GAS7: variants seen among roughly 807,000 people sequenced by gnomAD.
The protein encoded by GAS7 is growth arrest-specific protein 7.
A neutral mutation model predicts 71.1 loss-of-function variants in GAS7; 28 were observed. The ratio of observed to expected loss-of-function variants is 0.39; its 90% CI spans 0.29 to 0.54. The LOEUF (loss-of-function observed/expected upper bound fraction) is 0.54, where lower values mean the gene tolerates loss of function less well. Among genes scored for constraint, GAS7 ranks in the 20% least tolerant of loss-of-function variants. GAS7 has a pLI of 0.62. For synonymous variants in GAS7, 258 were observed against 245.8 expected (o/e 1.05, Z -0.46); for missense variants, 436 against 627.8 (o/e 0.69, Z 3.27).
At chr17:10,010,914 C>A (rs949191359) in intron 2 of GAS7, among the ~76,000 whole-genome samples, 1 of 152,142 alleles carries the variant, frequency 6.6e-6, no homozygotes, top group African/African-American at 2.4e-5. Flanking sequence ...CAGCCATAGA[C>A]AATATGTAAA....
intron 1 of GAS7, among the ~76,000 whole-genome samples, chr17:10,102,597 T>C (rs995095266): frequency 7.2e-5 from 11 of 152,244 alleles, no homozygotes; most frequent in Non-Finnish European, 1.2e-4. Context: ...CCTATTCCAG[T>C]GGTCATCCCC....
chr17:10,044,349 A>G (rs914097662), intron 1 of GAS7, among the ~76,000 whole-genome samples: 4 of 152,256 alleles, frequency 2.6e-5, no homozygotes, highest in East Asian at 3.8e-4. Context: ...GCTCACTGCA[A>G]TAACAACTAG....
Position 10,026,695 on chromosome 17 carries a change from G to A in GAS7, c.184-6798C>T, listed in dbSNP as rs1453430551. 1.3e-4 allele frequency among the ~76,000 whole-genome samples: 20 copies of A among 152,198 alleles called. No homozygotes were observed. Among genetic ancestry groups the A allele is most frequent in the Admixed American group, 1.3e-3 (20 of 15,282 alleles). ...GGAAGATCAAGACCCAGCAGGGCTG[G>A]AGACTGGCAATTCACTCCCACGTCA... On this transcript the variant is annotated intron_variant, in intron 1 of 13. Coordinates refer to ENST00000432992, the MANE Select transcript of GAS7 (RefSeq NM_201433.2). The surrounding 1 kb of genome is among the most constrained non-coding windows in gnomAD (Gnocchi z 4.5).
At chr17:9,935,404 G>A (rs867988581) in intron 8 of GAS7, among the ~76,000 whole-genome samples, 3 of 152,166 alleles carry the variant, frequency 2.0e-5, no homozygotes, top group East Asian at 1.9e-4. Context: ...CTCTTTAACC[G>A]CATGACCCTT....
chr17:9,933,919 AT>A (rs2152083211), intron 9 of GAS7, among the ~76,000 whole-genome samples: 1 of 152,024 alleles, frequency 6.6e-6, no homozygotes, highest in East Asian at 1.9e-4. Flanking sequence ...ACACTTTACT[AT>A]TTTCCATGCT....
intron 2 of GAS7, among the ~76,000 whole-genome samples, chr17:9,990,368 C>G (rs928355416): frequency 1.3e-5 from 2 of 152,242 alleles, no homozygotes; most frequent in Non-Finnish European, 2.9e-5. Context: ...TGACTTCGCC[C>G]AGAGCGAGCG....
chr17:10,192,398 A>C (rs1567627524), intron 1 of GAS7, among the ~76,000 whole-genome samples: 1 of 152,192 alleles, frequency 6.6e-6, no homozygotes, highest in Admixed American at 6.5e-5. Flanking sequence ...AATACCTTAC[A>C]TGTACACAAG....
chr17:10,025,025 C>T (rs949562380), intron 1 of GAS7, among the ~76,000 whole-genome samples: 7 of 152,308 alleles, frequency 4.6e-5, no homozygotes, highest in Non-Finnish European at 8.8e-5. Flanking sequence ...CATTTATCCC[C>T]GCTTTAAAAC....
chr17:10,025,168 C>T (rs1461239926), intron 1 of GAS7, among the ~76,000 whole-genome samples: 1 of 151,986 alleles, frequency 6.6e-6, no homozygotes, highest in Non-Finnish European at 1.5e-5. Context: ...TTTGGGAGGC[C>T]GAGGCAGGAG....
intron 8 of GAS7, among the ~76,000 whole-genome samples, chr17:9,937,775 A>G (rs890298916): frequency 6.6e-6 from 1 of 152,158 alleles, no homozygotes; most frequent in African/African-American, 2.4e-5. Context: ...CCCACAACAG[A>G]ACGTCTTCCT....
chr17:10,098,098 C>G (rs1368510269), intron 1 of GAS7, among the ~76,000 whole-genome samples: 2 of 151,996 alleles, frequency 1.3e-5, no homozygotes, highest in African/African-American at 4.8e-5. Flanking sequence ...CCAAGAGACC[C>G]TGGGGTGTCC....
intron 9 of GAS7, among the ~76,000 whole-genome samples, chr17:9,931,043 C>A (rs1173657234): frequency 6.6e-6 from 1 of 152,174 alleles, no homozygotes; most frequent in Non-Finnish European, 1.5e-5. Flanking sequence ...ATTGGCAACC[C>A]CTGGAAAGGC....
At chr17:10,145,874 T>C (rs575958580) in intron 1 of GAS7, among the ~76,000 whole-genome samples, 2 of 152,228 alleles carry the variant, frequency 1.3e-5, no homozygotes, top group East Asian at 3.9e-4. Flanking sequence ...CATTATTTTG[T>C]TTTTGTGGGA....
At chr17:10,104,133 C>T (rs1011425989) in intron 1 of GAS7, among the ~76,000 whole-genome samples, 26 of 152,184 alleles carry the variant, frequency 1.7e-4, no homozygotes, top group African/African-American at 3.6e-4. Context: ...CCTGTAGTCA[C>T]GGCTTCGAAT....
At position 10,019,781 on chromosome 17, in the gene GAS7, G is replaced by A. The variant is rs1226646251; in HGVS notation, c.300C>T (p.Thr100=). The part of the protein sequence containing the change: ...QGRRYYVNTT[T]NETTWERPSS... Reference sequence around the variant, plus strand: ...TCTCCCCCGAGCGGGACTCACCATTGGTGGTCGTGTTGACATAGTACCGCC... The same window carrying A: ...TCTCCCCCGAGCGGGACTCACCATTAGTGGTCGTGTTGACATAGTACCGCC... Residue 100 remains threonine, a synonymous_variant, in exon 2 of 14, where the codon ACC becomes ACT. Transcript: ENST00000432992. 5 of 1,613,548 alleles carry A rather than the reference G, an allele frequency of 3.1e-6. No homozygotes were observed. Among genetic ancestry groups the A allele is most frequent in the Non-Finnish European group, 4.2e-6 (5 of 1,179,818 alleles).
chr17:10,141,987 G>GT (rs1005719162), intron 1 of GAS7, among the ~76,000 whole-genome samples: 11 of 2,404 alleles, frequency 4.6e-3, no homozygotes, highest in East Asian at 0.14. Context: ...CCAGCACTTT[G>GT]GGGGGCCGAG....
chr17:10,016,554 C>T (rs1170796745), intron 2 of GAS7, among the ~76,000 whole-genome samples: 1 of 125,894 alleles, frequency 7.9e-6, no homozygotes, highest in Admixed American at 1.0e-4. Flanking sequence ...AAGTAGAAGC[C>T]AGAAGTTCGG....
In GAS7 at chr17:9,926,937, A is replaced by G. The variant is rs973358565; in HGVS notation, c.886-168T>C. 2.4e-5 allele frequency: 16 copies of G among 664,088 alleles called. No individual in the cohort carries two copies. Among genetic ancestry groups the G allele is most frequent in the African/African-American group, 3.6e-5 (2 of 55,888 alleles). The allele number at this position is 664,088 out of a possible 1,614,324, so 41.1% of individuals were successfully genotyped here. On this transcript the variant is annotated intron_variant, in intron 9 of 13. Transcript: ENST00000432992. This position sits in a 1 kb window ranked among gnomAD's most constrained non-coding sequence, Gnocchi z 5.0. The stretch of plus-strand genomic sequence containing the variant: ...GACACCCCCTGACACGTGGCTGCCT[A>G]TCAGGTCTCAGCTTAGGCAGGTCAC...
intron 1 of GAS7, among the ~76,000 whole-genome samples, chr17:10,189,103 T>C (rs896767832): frequency 6.6e-6 from 1 of 152,190 alleles, no homozygotes; most frequent in Non-Finnish European, 1.5e-5. Flanking sequence ...CTCCTTTTTT[T>C]TGGGAAGAGA....
Sources: allele counts gnomAD v4.1 joint callset (sites outside exome capture counted in the v4.1 genomes callset), GRCh38; gene constraint gnomAD v4.1.1; non-coding constraint Gnocchi (gnomAD v3.1); transcripts MANE v1.5; gene names NCBI Gene and HGNC (gene_info 2026-07-23, HGNC 2026-07-21).